The following SCG3 variants were observed in gnomAD, a reference collection of about 807,000 sequenced individuals.
The protein encoded by SCG3 is secretogranin III, also known as secretogranin-3.
A neutral mutation model predicts 56.2 loss-of-function variants in SCG3; 38 were observed. The observed-to-expected ratio is 0.68, with a 90% CI of 0.52 to 0.89. The LOEUF (loss-of-function observed/expected upper bound fraction) is 0.89. Ranked by LOEUF, SCG3 falls within the 40% of genes least tolerant of loss-of-function variation. SCG3 has a pLI of 0.00. For missense variants in SCG3, 524 were observed against 540.7 expected (o/e 0.97, Z 0.31); for synonymous variants, 176 against 184.2 (o/e 0.96, Z 0.36).
At chr15:51,688,719 G>A (rs896920047) in intron 5 of SCG3, among the ~76,000 whole-genome samples, 1 of 152,078 alleles carries the variant, frequency 6.6e-6, no homozygotes. Context: ...TTAGAGGGAT[G>A]GTTAGGATAT....
At position 51,701,178 on chromosome 15, in the gene SCG3, G is replaced by A; in HGVS notation, c.1141G>A (p.Gly381Arg). 1.2e-6 allele frequency: 2 copies of A among 1,613,340 alleles called. No individual in the cohort carries two copies. The highest frequency in any genetic ancestry group is 8.5e-7 in the Non-Finnish European group (1 of 1,179,780). ...EEAAKMEKEY[G>R]SLKDSTKDDN... is the part of the protein sequence containing the mutation. ...AGCAGCTAAGATGGAAAAGGAATATGGAAGCTTGAAGGATTCCACAAAAGA... is the reference window on the plus strand; with the variant it reads ...AGCAGCTAAGATGGAAAAGGAATATAGAAGCTTGAAGGATTCCACAAAAGA... Residue 381 changes from glycine (G) to arginine (R), a missense_variant, in exon 10 of 12, where the codon GGA becomes AGA. Coordinates refer to ENST00000220478, the MANE Select transcript of SCG3 (RefSeq NM_013243.4).
At chr15:51,685,367 A>T (rs1391135334) in intron 4 of SCG3, among the ~76,000 whole-genome samples, 5 of 152,226 alleles carry the variant, frequency 3.3e-5, no homozygotes, top group Non-Finnish European at 2.9e-5. Flanking sequence ...TTGTACATGC[A>T]GGCAGAGACA....
At chr15:51,688,955 G>T (rs564631234) in intron 5 of SCG3, among the ~76,000 whole-genome samples, 16 of 152,244 alleles carry the variant, frequency 1.1e-4, no homozygotes, top group African/African-American at 3.9e-4. Context: ...TGCTCAGGGT[G>T]TTTCTCAAAA....
intron 11 of SCG3, among the ~76,000 whole-genome samples, chr15:51,717,559 G>T (rs2055466304): frequency 6.6e-6 from 1 of 151,664 alleles, no homozygotes; most frequent in Non-Finnish European, 1.5e-5. Context: ...AAAAAAAAAG[G>T]ATTGCTAGAA....
intron 10 of SCG3, among the ~76,000 whole-genome samples, chr15:51,702,701 C>A (rs1162703576): frequency 6.6e-6 from 1 of 152,166 alleles, no homozygotes; most frequent in African/African-American, 2.4e-5. Flanking sequence ...CCCCTTATTA[C>A]AAAGTTGTGC....
intron 10 of SCG3, 81 bp downstream of exon 10, chr15:51,701,325 A>G: frequency 7.2e-7 from 1 of 1,398,598 alleles, no homozygotes; most frequent in Non-Finnish European, 9.7e-7. Context: ...TGATCCAAAG[A>G]GCAAGCTCCA....
In SCG3 at chr15:51,689,216, T is replaced by C. The variant is rs1490904032; in HGVS notation, c.541-3T>C. On this transcript the variant is annotated splice_region_variant and splice_polypyrimidine_tract_variant and intron_variant, in intron 5 of 11. Coordinates refer to ENST00000220478, the MANE Select transcript of SCG3 (RefSeq NM_013243.4). The stretch of plus-strand genomic sequence containing the variant: ...TTATATATGTTTTGCCTTTTTATGA[T>C]AGATCACAGAAAGCCAAGCACATAC... The C allele has an allele frequency of 6.2e-7, 1 of 1,613,418 alleles. No individual in the cohort carries two copies. The highest frequency in any genetic ancestry group is 1.3e-5 in the African/African-American group (1 of 74,858).
intron 4 of SCG3, among the ~76,000 whole-genome samples, chr15:51,685,053 CAACT>C (rs2141557752): frequency 6.6e-6 from 1 of 152,310 alleles, no homozygotes; most frequent in Admixed American, 6.5e-5. Flanking sequence ...TGCCAGAAAA[CAACT>C]GACTATTAAA....
intron 10 of SCG3, chr15:51,708,335 A>G (rs1381078715): frequency 1.3e-5 from 2 of 152,232 alleles, no homozygotes; most frequent in African/African-American, 4.8e-5. Flanking sequence ...AGAGCACCTG[A>G]TGTGATTCCC....
intron 4 of SCG3, among the ~76,000 whole-genome samples, chr15:51,683,765 G>C (rs2055210898): frequency 6.6e-6 from 1 of 152,012 alleles, no homozygotes; most frequent in African/African-American, 2.4e-5. Context: ...CAAATAATTA[G>C]ATCAGTAAAG....
At chr15:51,687,359 A>C (rs1278042127) in intron 4 of SCG3, among the ~76,000 whole-genome samples, 1 of 152,216 alleles carries the variant, frequency 6.6e-6, no homozygotes, top group African/African-American at 2.4e-5. Context: ...AATTAAGTGC[A>C]TTGTAAATTT....
intron 10 of SCG3, among the ~76,000 whole-genome samples, chr15:51,709,728 T>TTA (rs1463135864): frequency 5.1e-5 from 4 of 78,202 alleles, no homozygotes; most frequent in Non-Finnish European, 7.5e-5. Flanking sequence ...TTTTTTTTTT[T>TTA]TTTTTTTTTT....
rs2055390781 is a variant in SCG3 at position 51,708,615 on chromosome 15, GGTGGCCGAGGAGGGCA to G, written c.1208-4716_1208-4701del. 2.6e-5 allele frequency among the ~76,000 whole-genome samples: 4 copies of G among 152,274 alleles called. No individual in the cohort carries two copies. The South Asian group carries it at 8.3e-4, about 32-fold the overall frequency. ...TCACGCCTGTCATCCCAGCACTTTG[GGTGGCCGAGGAGGGCA>G]GATCACGAGGTCAGGAGATCGAGAC... is the stretch of plus-strand genomic sequence containing the variant. On this transcript the variant is annotated intron_variant, in intron 10 of 11. Transcript: ENST00000220478.
chr15:51,717,983 T>C (rs1476779753), intron 11 of SCG3, among the ~76,000 whole-genome samples: 1 of 152,228 alleles, frequency 6.6e-6, no homozygotes, highest in Non-Finnish European at 1.5e-5. Context: ...AAGGGTGTTA[T>C]GACCCACAAT....
chr15:51,688,686 A>T (rs776522475), intron 5 of SCG3, among the ~76,000 whole-genome samples: 3 of 152,218 alleles, frequency 2.0e-5, no homozygotes, highest in Non-Finnish European at 4.4e-5. Context: ...AAGGCTTCAG[A>T]GGAAGAGGCG....
Position 51,692,204 on chromosome 15 carries a change from G to A in SCG3, c.736G>A (p.Asp246Asn), listed in dbSNP as rs1205258240. The change falls in exon 7 of 12, where the codon GAT becomes AAT. Residue 246 changes from aspartate (D) to asparagine (N), a missense_variant. Coordinates refer to ENST00000220478, the MANE Select transcript of SCG3 (RefSeq NM_013243.4). ...AGATGGTCTTGCTAAGGGAGAAAAC[G>A]ATGAAACAGTATCTAACACATTAAC... ...IQDGLAKGEN[D>N]ETVSNTLTLT... 7 of 1,613,830 alleles carry A rather than the reference G, an allele frequency of 4.3e-6. No individual in the cohort carries two copies. Among genetic ancestry groups the A allele is most frequent in the Non-Finnish European group, 5.1e-6 (6 of 1,179,832 alleles).
At position 51,720,007 on chromosome 15, in the gene SCG3, C is replaced by T. The variant is rs1205500366; in HGVS notation, c.*481C>T. The T allele has an allele frequency of 6.6e-6, 1 of 152,614 alleles. No individual in the cohort carries two copies. The highest frequency in any genetic ancestry group is 2.4e-5 in the African/African-American group (1 of 41,434). 9.5% of individuals were successfully genotyped at this position (152,614 alleles called of 1,614,324 possible). A position where few individuals can be genotyped will look rare whatever the true frequency, so the allele number is the denominator to read the frequency against. Reference sequence around the variant, plus strand: ...TTCACATTTTCTCAAAGTCTCATAGCTTTGGAGGAGCCATCTGCTTTTTTG... The same window carrying T: ...TTCACATTTTCTCAAAGTCTCATAGTTTTGGAGGAGCCATCTGCTTTTTTG... On this transcript the variant is annotated 3_prime_UTR_variant, in exon 12 of 12. Transcript: ENST00000220478.
In SCG3 at chr15:51,688,389, T is replaced by A; in HGVS notation, c.527T>A (p.Leu176His). ...AVFDKIVSKL[L>H]NLGLITESQA... ...TTTGACAAGATTGTTTCTAAACTAC[T>A]TAATCTCGGCCTTGTAAGTCATTTG... is the stretch of plus-strand genomic sequence containing the variant. The change falls in exon 5 of 12, where the codon CTT becomes CAT. Residue 176 changes from leucine (L) to histidine (H), a missense_variant. By Grantham distance (99) the Leu-to-His change is moderately conservative (BLOSUM62 -3). Coordinates refer to ENST00000220478, the MANE Select transcript of SCG3 (RefSeq NM_013243.4). 6.2e-7 allele frequency: 1 copy of A among 1,613,538 alleles called. No homozygotes were observed. Among genetic ancestry groups the A allele is most frequent in the Non-Finnish European group, 8.5e-7 (1 of 1,179,598 alleles).
intron 11 of SCG3, among the ~76,000 whole-genome samples, chr15:51,717,918 C>A (rs906411291): frequency 3.3e-5 from 5 of 152,178 alleles, no homozygotes; most frequent in Admixed American, 1.3e-4. Context: ...TTCTTCTTGG[C>A]CTCTCTGTGC....
Sources: gnomAD v4.1 joint callset for allele counts (sites outside exome capture counted in the v4.1 genomes callset) on GRCh38, gnomAD v4.1.1 for gene constraint, MANE v1.5 for transcripts, NCBI Gene and HGNC (gene_info 2026-07-23, HGNC 2026-07-21) for gene names.